The following WDR27 variants were observed in gnomAD, a reference collection of about 807,000 sequenced individuals.
The protein encoded by WDR27 is WD repeat-containing protein 27.
Under a neutral mutation model 114.4 loss-of-function variants are expected in WDR27, and 100 were observed. The ratio of observed to expected loss-of-function variants is 0.87; its 90% CI spans 0.74 to 1.03. The LOEUF (loss-of-function observed/expected upper bound fraction) is 1.03, where lower values mean the gene tolerates loss of function less well. WDR27 is among the 50% of genes least tolerant of loss of function. WDR27 has a pLI of 0.00. For synonymous variants in WDR27, 449 were observed against 423.1 expected, an observed-to-expected ratio of 1.06 and a Z score of -0.75; for missense variants, 1,129 against 1,092.9, an observed-to-expected ratio of 1.03 and a Z score of -0.47.
chr6:169,620,834 C>T (rs1812945555), intron 21 of WDR27, among the ~76,000 whole-genome samples: 1 of 152,128 alleles, frequency 6.6e-6, no homozygotes, highest in Admixed American at 6.5e-5. Flanking sequence ...ACCACACAGT[C>T]CACCTCCTGT....
chr6:169,699,808 CCT>C (rs1349396773), intron 1 of WDR27, among the ~76,000 whole-genome samples: 2 of 151,892 alleles, frequency 1.3e-5, no homozygotes, highest in Non-Finnish European at 2.9e-5. Flanking sequence ...ATAGTGAGAC[CCT>C]GTCTCTACTT....
At position 169,643,104 on chromosome 6, in the gene WDR27, G is replaced by A. The variant is rs924475538; in HGVS notation, c.1747+593C>T. Among the ~76,000 whole-genome samples the A allele has an allele frequency of 6.6e-5, 10 of 152,178 alleles. No homozygotes were observed. In the South Asian group the frequency reaches 1.2e-3, roughly 19 times the overall value. Reference sequence around the variant, plus strand: ...TGTATAAAAACAGAAGGACTAGTGAGATATTTTGTGTTGTTTCTGTGCTTC... The same window carrying A: ...TGTATAAAAACAGAAGGACTAGTGAAATATTTTGTGTTGTTTCTGTGCTTC... On this transcript the variant is annotated intron_variant, in intron 17 of 25. Coordinates refer to ENST00000448612, the MANE Select transcript of WDR27 (RefSeq NM_182552.5).
At chr6:169,651,066 C>A (rs1462606467) in intron 14 of WDR27, among the ~76,000 whole-genome samples, 4 of 151,812 alleles carry the variant, frequency 2.6e-5, no homozygotes, top group Non-Finnish European at 4.4e-5. Flanking sequence ...CACAGCAGTA[C>A]CACTGGGAGG....
At chr6:169,472,518 T>A (rs530886305) in intron 25 of WDR27, among the ~76,000 whole-genome samples, 1 of 152,212 alleles carries the variant, frequency 6.6e-6, no homozygotes, top group South Asian at 2.1e-4. Flanking sequence ...ATATTACTTA[T>A]CTAAAAGTTG....
the WDR27 span, among the ~76,000 whole-genome samples, chr6:169,427,827 C>A: frequency 9.9e-5 from 13 of 131,484 alleles, no homozygotes; most frequent in Admixed American, 2.2e-4. Flanking sequence ...AAAAAAAAAA[C>A]CATTTCCAGG....
intron 24 of WDR27, among the ~76,000 whole-genome samples, chr6:169,572,922 CATGAT>C (rs1801687773): frequency 1.3e-5 from 2 of 152,200 alleles, no homozygotes; most frequent in African/African-American, 2.4e-5. Context: ...GTCCACTCTA[CATGAT>C]ATAACTACTT....
intron 21 of WDR27, among the ~76,000 whole-genome samples, chr6:169,629,929 A>G (rs1233455760): frequency 8.0e-6 from 1 of 125,296 alleles, no homozygotes; most frequent in Non-Finnish European, 1.6e-5. Flanking sequence ...CTTCATCTCA[A>G]AAAAAAAAAA....
At chr6:169,543,139 A>G (rs1797031275) in intron 25 of WDR27, among the ~76,000 whole-genome samples, 1 of 152,130 alleles carries the variant, frequency 6.6e-6, no homozygotes, top group Non-Finnish European at 1.5e-5. Context: ...TAATCTGGGT[A>G]AAATATATAG....
At chr6:169,432,732 C>T in the WDR27 span, among the ~76,000 whole-genome samples, 5 of 152,076 alleles carry the variant, frequency 3.3e-5, no homozygotes, top group African/African-American at 9.7e-5. Flanking sequence ...GTGTGAAAAT[C>T]GACTAATACA....
At chr6:169,429,081 T>A in the WDR27 span, among the ~76,000 whole-genome samples, 2 of 151,716 alleles carry the variant, frequency 1.3e-5, no homozygotes, top group Non-Finnish European at 2.9e-5. Flanking sequence ...CAGCAGCCCC[T>A]CTCCTGCAGC....
chr6:169,448,388 C>G, the WDR27 span, among the ~76,000 whole-genome samples: 31 of 112,200 alleles, frequency 2.8e-4, no homozygotes, highest in African/African-American at 1.1e-3. Flanking sequence ...CTGTCTCTGT[C>G]TCTATGTGTG....
intron 21 of WDR27, among the ~76,000 whole-genome samples, chr6:169,631,848 T>C (rs1816480816): frequency 6.6e-6 from 1 of 152,152 alleles, no homozygotes; most frequent in African/African-American, 2.4e-5. Flanking sequence ...AAAAACTTTA[T>C]AGATAATCAG....
At chr6:169,600,406 C>T (rs1807726229) in intron 23 of WDR27, among the ~76,000 whole-genome samples, 1 of 152,134 alleles carries the variant, frequency 6.6e-6, no homozygotes, top group South Asian at 2.1e-4. Flanking sequence ...AATCAGAGCA[C>T]CACTCCTCCT....
At chr6:169,435,682 T>C in the WDR27 span, among the ~76,000 whole-genome samples, 1 of 152,274 alleles carries the variant, frequency 6.6e-6, no homozygotes, top group South Asian at 2.1e-4. Flanking sequence ...CCAATGCCTG[T>C]ACTCCTATTG....
intron 8 of WDR27, chr6:169,663,425 G>T (rs1260720524): frequency 6.6e-6 from 1 of 151,950 alleles, no homozygotes; most frequent in Non-Finnish European, 1.5e-5. Flanking sequence ...TGTGAGCCCA[G>T]AGATGATTTC....
intron 22 of WDR27, among the ~76,000 whole-genome samples, chr6:169,608,384 A>G (rs1267815756): frequency 6.6e-6 from 1 of 152,208 alleles, no homozygotes; most frequent in Non-Finnish European, 1.5e-5. Context: ...GACATACCCT[A>G]GACTGGGCAA....
At chr6:169,534,813 C>G (rs1796031867) in intron 25 of WDR27, among the ~76,000 whole-genome samples, 1 of 151,626 alleles carries the variant, frequency 6.6e-6, no homozygotes, top group African/African-American at 2.4e-5. Flanking sequence ...TTATTCTTTG[C>G]TTCCCTGCTT....
chr6:169,590,653 G>T (rs958922874), intron 23 of WDR27, among the ~76,000 whole-genome samples: 1 of 152,204 alleles, frequency 6.6e-6, no homozygotes, highest in Non-Finnish European at 1.5e-5. Context: ...TCCAACTCTT[G>T]TCAACCTCCA....
At chr6:169,668,309 G>A in intron 4 of WDR27, 124 bp from the exon 5 acceptor site, 2 of 961,174 alleles carry the variant, frequency 2.1e-6, no homozygotes, top group South Asian at 3.2e-5. Flanking sequence ...AGTCTCAGCA[G>A]TGTTAAAAGC....
Sources: gnomAD v4.1 joint callset for allele counts (sites outside exome capture counted in the v4.1 genomes callset) on GRCh38, gnomAD v4.1.1 for gene constraint, MANE v1.5 for transcripts, NCBI Gene and HGNC (gene_info 2026-07-23, HGNC 2026-07-21) for gene names.